Variants in SLC39A11 observed in about 807,000 individuals in gnomAD.
SLC39A11 encodes zinc transporter ZIP11.
Under a neutral mutation model 36.1 loss-of-function variants are expected in SLC39A11, and 33 were observed. The ratio of observed to expected loss-of-function variants is 0.91; its 90% confidence interval spans 0.69 to 1.22. The LOEUF (loss-of-function observed/expected upper bound fraction) is 1.22, where lower values mean the gene tolerates loss of function less well. Among genes scored for constraint, SLC39A11 ranks in the 50% most tolerant of loss-of-function variants. SLC39A11 has a pLI of 0.00. For synonymous variants in SLC39A11, 166 were observed against 170.3 expected (o/e 0.97, Z 0.20); for missense variants, 432 against 430.3 (o/e 1.00, Z -0.03).
intron 4 of SLC39A11, among the ~76,000 whole-genome samples, chr17:72,959,365 A>ATATATATG (rs1171648535): frequency 7.1e-6 from 1 of 140,590 alleles, no homozygotes; most frequent in Non-Finnish European, 1.5e-5. Flanking sequence ...ATATATATAT[A>ATATATATG]TGATCGAATA....
chr17:72,788,841 T>C (rs2076602585), intron 6 of SLC39A11, among the ~76,000 whole-genome samples: 1 of 152,194 alleles, frequency 6.6e-6, no homozygotes, highest in African/African-American at 2.4e-5. Flanking sequence ...GTATGAGGCA[T>C]GGATGGAGTA....
chr17:72,688,723 G>A (rs1381404073), intron 7 of SLC39A11, among the ~76,000 whole-genome samples: 6 of 152,192 alleles, frequency 3.9e-5, no homozygotes, highest in African/African-American at 9.7e-5. Context: ...AGGACCTCAG[G>A]GGAAAGGGTT....
chr17:72,718,451 G>A (rs1251718405), intron 7 of SLC39A11, among the ~76,000 whole-genome samples: 1 of 152,132 alleles, frequency 6.6e-6, no homozygotes, highest in Non-Finnish European at 1.5e-5. Flanking sequence ...GGGAAAAAAA[G>A]TGTCTGACAA....
intron 3 of SLC39A11, chr17:73,068,390 A>G (rs2060060548): frequency 4.3e-6 from 2 of 463,148 alleles, no homozygotes; most frequent in African/African-American, 4.0e-5. Flanking sequence ...TGGATCACCA[A>G]AAGCAGAGAA....
chr17:72,997,292 C>T (rs932822285), intron 4 of SLC39A11, among the ~76,000 whole-genome samples: 3 of 152,158 alleles, frequency 2.0e-5, no homozygotes, highest in Admixed American at 6.5e-5. Flanking sequence ...CTCGCTCTGT[C>T]GCCCAGGCTG....
At chr17:72,894,352 C>A (rs1470523657) in intron 5 of SLC39A11, among the ~76,000 whole-genome samples, 1 of 93,426 alleles carries the variant, frequency 1.1e-5, no homozygotes, top group Non-Finnish European at 1.9e-5. Flanking sequence ...CAGAGTGAGA[C>A]TCTGTCTCAA....
chr17:72,816,914 T>C (rs1164120995), intron 6 of SLC39A11, among the ~76,000 whole-genome samples: 2 of 152,162 alleles, frequency 1.3e-5, no homozygotes, highest in African/African-American at 4.8e-5. Flanking sequence ...TGTATGCAAA[T>C]AGTTTCTTCC....
intron 7 of SLC39A11, among the ~76,000 whole-genome samples, chr17:72,688,381 C>T (rs1181921983): frequency 6.6e-6 from 1 of 152,250 alleles, no homozygotes; most frequent in Non-Finnish European, 1.5e-5. Context: ...TGCAGCTTCT[C>T]TACCTGGAAA....
intron 4 of SLC39A11, among the ~76,000 whole-genome samples, chr17:73,028,809 TA>T (rs59124161): frequency 0.52 from 73,306 of 141,390 alleles, 20,344 homozygotes; most frequent in Middle Eastern, 0.67. Flanking sequence ...CCAAAAGGTT[TA>T]AAAAAAAAAA....
At chr17:72,889,784 A>G (rs2081631018) in intron 5 of SLC39A11, among the ~76,000 whole-genome samples, 1 of 152,180 alleles carries the variant, frequency 6.6e-6, no homozygotes, top group Non-Finnish European at 1.5e-5. Context: ...ACTCACTTGC[A>G]CGGCAATAGT....
At chr17:72,942,891 T>C (rs1384250062) in intron 5 of SLC39A11, among the ~76,000 whole-genome samples, 3 of 152,198 alleles carry the variant, frequency 2.0e-5, no homozygotes, top group Admixed American at 1.3e-4. Context: ...AACCCACCTA[T>C]TGGGTTCATT....
intron 5 of SLC39A11, among the ~76,000 whole-genome samples, chr17:72,909,665 G>A (rs2082858998): frequency 6.6e-6 from 1 of 151,856 alleles, no homozygotes; most frequent in South Asian, 2.1e-4. Context: ...GTTGATTTAT[G>A]CCAAAGTCCT....
chr17:72,918,503 C>T (rs1214429018), intron 5 of SLC39A11, among the ~76,000 whole-genome samples: 1 of 152,188 alleles, frequency 6.6e-6, no homozygotes, highest in Non-Finnish European at 1.5e-5. Flanking sequence ...TTGCACCCAC[C>T]CAGTCTCAGC....
At chr17:72,796,446 T>C (rs934974009) in intron 6 of SLC39A11, among the ~76,000 whole-genome samples, 1 of 152,056 alleles carries the variant, frequency 6.6e-6, no homozygotes, top group African/African-American at 2.4e-5. Flanking sequence ...CTACAGATTC[T>C]TGGAAATACA....
At chr17:72,840,596 T>C (rs1345567474) in intron 6 of SLC39A11, among the ~76,000 whole-genome samples, 2 of 152,134 alleles carry the variant, frequency 1.3e-5, no homozygotes, top group African/African-American at 4.8e-5. Flanking sequence ...CCGCCTCTAC[T>C]AAAAGTACAA....
chr17:72,982,573 T>TA (rs2088407050), intron 4 of SLC39A11, among the ~76,000 whole-genome samples: 2 of 152,214 alleles, frequency 1.3e-5, no homozygotes, highest in Non-Finnish European at 2.9e-5. Context: ...AAAAACCTTG[T>TA]TCGTAATACT....
chr17:72,968,274 T>A (rs1168541763), intron 4 of SLC39A11, among the ~76,000 whole-genome samples: 1 of 152,156 alleles, frequency 6.6e-6, no homozygotes, highest in East Asian at 1.9e-4. Context: ...AGCCTGAGAC[T>A]CAGTCCAGAG....
intron 4 of SLC39A11, among the ~76,000 whole-genome samples, chr17:73,019,474 T>C (rs77768816): frequency 1.0e-3 from 156 of 152,288 alleles, no homozygotes; most frequent in African/African-American, 3.6e-3. Flanking sequence ...ATATCATACA[T>C]GAAGTGTTAA....
At chr17:73,024,419 TTG>T (rs2058460585) in intron 4 of SLC39A11, among the ~76,000 whole-genome samples, 1 of 149,984 alleles carries the variant, frequency 6.7e-6, no homozygotes, top group African/African-American at 2.5e-5. Flanking sequence ...ATCAGGCTTA[TTG>T]TAGAGACTCT....
Sources: allele counts gnomAD v4.1 joint callset (sites outside exome capture counted in the v4.1 genomes callset), GRCh38; gene constraint gnomAD v4.1.1; transcripts MANE v1.5; gene names NCBI Gene and HGNC (gene_info 2026-07-23, HGNC 2026-07-21).